SMG6: variants seen among roughly 807,000 people sequenced by gnomAD.
The protein encoded by SMG6 is telomerase-binding protein EST1A.
In SMG6, 66 loss-of-function variants were observed where a neutral mutation model predicts 142.2. The observed-to-expected ratio is 0.46, with a 90% CI of 0.38 to 0.57. SMG6 has a LOEUF of 0.57. SMG6 is among the 20% of genes least tolerant of loss of function. The pLI is 0.00. For synonymous variants in SMG6, 779 were observed against 702.4 expected (o/e 1.11, Z -1.72); for missense variants, 1,793 against 1,832.0 (o/e 0.98, Z 0.39).
intron 13 of SMG6, among the ~76,000 whole-genome samples, chr17:2,162,658 C>G (rs1427528611): frequency 1.3e-5 from 2 of 151,954 alleles, no homozygotes; most frequent in Non-Finnish European, 2.9e-5. Flanking sequence ...AGCTGAGATC[C>G]TGTCTCTAAT....
intron 13 of SMG6, among the ~76,000 whole-genome samples, chr17:2,096,850 C>T (rs1230834144): frequency 6.6e-6 from 1 of 152,204 alleles, no homozygotes; most frequent in African/African-American, 2.4e-5. Context: ...CTCACACTAA[C>T]CTCTCCCAAG....
chr17:2,202,342 A>G (rs1450655752), intron 10 of SMG6, among the ~76,000 whole-genome samples: 1 of 152,180 alleles, frequency 6.6e-6, no homozygotes, highest in Non-Finnish European at 1.5e-5. Context: ...TGAGCCCAAG[A>G]GTTTGAGACC....
intron 13 of SMG6, among the ~76,000 whole-genome samples, chr17:2,161,993 T>C (rs2071193265): frequency 6.6e-6 from 1 of 152,180 alleles, no homozygotes; most frequent in South Asian, 2.1e-4. Flanking sequence ...AAAAGACTTA[T>C]GTGTAAGGCT....
At chr17:2,074,188 C>T (rs538632211) in intron 15 of SMG6, among the ~76,000 whole-genome samples, 125 of 151,926 alleles carry the variant, frequency 8.2e-4, no homozygotes, top group African/African-American at 2.6e-3. Context: ...GTGATCCTCC[C>T]GCCTCAGCCT....
chr17:2,100,325 C>T (rs1464890660), intron 13 of SMG6, among the ~76,000 whole-genome samples: 1 of 152,136 alleles, frequency 6.6e-6, no homozygotes, highest in Non-Finnish European at 1.5e-5. Context: ...GAGTGAGCCA[C>T]CGTCCCTGGC....
chr17:2,065,229 G>T, intron 17 of SMG6, 75 bp from the exon 18 acceptor site: 2 of 1,285,068 alleles, frequency 1.6e-6, no homozygotes, highest in Non-Finnish European at 2.2e-6. Context: ...GGGATCCTCT[G>T]CCTCGGGGGC....
At chr17:2,175,792 T>TA (rs1339526241) in intron 12 of SMG6, among the ~76,000 whole-genome samples, 3 of 152,130 alleles carry the variant, frequency 2.0e-5, no homozygotes, top group African/African-American at 4.8e-5. Flanking sequence ...ACCAAGGAAA[T>TA]ACACAAAATG....
chr17:2,157,767 A>G (rs761250881), intron 13 of SMG6, among the ~76,000 whole-genome samples: 9 of 152,268 alleles, frequency 5.9e-5, no homozygotes, highest in Non-Finnish European at 1.0e-4. Context: ...CAAAAACCTC[A>G]GAACACTCAT....
Position 2,300,118 on chromosome 17 carries a change from G to A in SMG6, c.635C>T (p.Ala212Val), listed in dbSNP as rs1444792958. 6.2e-7 allele frequency: 1 copy of A among 1,613,892 alleles called. No homozygotes were observed. Reference protein sequence around the residue: ...KSPGGGRVGAAKGEKGKRMGK... With the variant: ...KSPGGGRVGAVKGEKGKRMGK... ...CATCCTCTTTCCTTTTTCTCCTTTT[G>A]CAGCCCCTACTCTCCCACCACCTGG... The change falls in exon 2 of 19, where the codon GCA becomes GTA. Residue 212 changes from alanine (A) to valine (V), a missense_variant. Ala to Val is a moderately conservative substitution (Grantham distance 64, BLOSUM62 0). Coordinates refer to ENST00000263073, the MANE Select transcript of SMG6 (RefSeq NM_017575.5).
At position 2,071,139 on chromosome 17, in the gene SMG6, G is replaced by T. The variant is rs527575518; in HGVS notation, c.3682-2208C>A. On this transcript the variant is annotated intron_variant, in intron 15 of 18. Coordinates refer to ENST00000263073, the MANE Select transcript of SMG6 (RefSeq NM_017575.5). The surrounding 1 kb of genome is among the most constrained non-coding windows in gnomAD (Gnocchi z 5.6). Reference sequence around the variant, plus strand: ...GGCAGCTGGAGTGACAGGGGCTGGGGGTCCGGCTCTGCACTGCGCCTCTGC... The same window carrying T: ...GGCAGCTGGAGTGACAGGGGCTGGGTGTCCGGCTCTGCACTGCGCCTCTGC... 1.9e-4 allele frequency among the ~76,000 whole-genome samples: 29 copies of T among 152,300 alleles called. 1 individual carries two copies. The East Asian group carries it at 4.1e-3, about 21-fold the overall frequency.
intron 8 of SMG6, among the ~76,000 whole-genome samples, chr17:2,252,843 C>T (rs1044514379): frequency 1.3e-5 from 2 of 151,940 alleles, no homozygotes; most frequent in African/African-American, 4.8e-5. Flanking sequence ...CAAACTATGG[C>T]CATGGGTCAA....
At chr17:2,167,161 T>C (rs1163843248) in intron 13 of SMG6, among the ~76,000 whole-genome samples, 1 of 94,490 alleles carries the variant, frequency 1.1e-5, no homozygotes, top group Non-Finnish European at 2.1e-5. Context: ...AAAAAAGATA[T>C]AAAGGGACTG....
chr17:2,133,669 C>T (rs904872705), intron 13 of SMG6, among the ~76,000 whole-genome samples: 3 of 152,148 alleles, frequency 2.0e-5, no homozygotes, highest in African/African-American at 7.2e-5. Context: ...TCTAGAGTAG[C>T]TAGGATTACA....
chr17:2,151,906 G>T (rs547142130), intron 13 of SMG6, among the ~76,000 whole-genome samples: 7 of 152,340 alleles, frequency 4.6e-5, no homozygotes, highest in African/African-American at 1.7e-4. Context: ...CCCTGACTAG[G>T]CTCTGCCGAT....
At chr17:2,235,527 C>T (rs1038278476) in intron 10 of SMG6, among the ~76,000 whole-genome samples, 9 of 152,110 alleles carry the variant, frequency 5.9e-5, no homozygotes. Flanking sequence ...CAACAAGAGA[C>T]CCAGCGCCAC....
At chr17:2,102,930 TGCTC>T (rs2069051907) in intron 13 of SMG6, among the ~76,000 whole-genome samples, 1 of 152,230 alleles carries the variant, frequency 6.6e-6, no homozygotes, top group African/African-American at 2.4e-5. Context: ...CTCAGCATAA[TGCTC>T]TTCAATTCCA....
chr17:2,243,621 C>T (rs1166465061), intron 9 of SMG6, among the ~76,000 whole-genome samples: 1 of 152,098 alleles, frequency 6.6e-6, no homozygotes, highest in Non-Finnish European at 1.5e-5. Flanking sequence ...GCAGAGGTTG[C>T]AGAGAGTCGA....
chr17:2,248,891 CT>C (rs145763145), intron 8 of SMG6, among the ~76,000 whole-genome samples: 139 of 146,580 alleles, frequency 9.5e-4, no homozygotes, highest in Middle Eastern at 3.5e-3. Flanking sequence ...CTTTGGAGAA[CT>C]TTTTTTTTTT....
At chr17:2,279,916 A>G (rs1185074508) in intron 8 of SMG6, among the ~76,000 whole-genome samples, 2 of 152,012 alleles carry the variant, frequency 1.3e-5, no homozygotes, top group Admixed American at 6.6e-5. Context: ...TTCCCTAACC[A>G]TGACTGGATT....
Sources: gnomAD v4.1 joint callset for allele counts (sites outside exome capture counted in the v4.1 genomes callset) on GRCh38, gnomAD v4.1.1 for gene constraint, Gnocchi (gnomAD v3.1) non-coding constraint, MANE v1.5 for transcripts, NCBI Gene and HGNC (gene_info 2026-07-23, HGNC 2026-07-21) for gene names.